Variants in CLNK observed in about 807,000 individuals in gnomAD.
CLNK encodes cytokine dependent hematopoietic cell linker.
Under a neutral mutation model 68.6 loss-of-function variants are expected in CLNK, and 74 were observed. That is an observed-to-expected ratio of 1.08 (90% CI 0.89 to 1.31). The LOEUF (loss-of-function observed/expected upper bound fraction) is 1.31, where lower values mean the gene tolerates loss of function less well. Ranked by LOEUF, CLNK falls within the 50% of genes most tolerant of loss-of-function variation. The pLI is 0.00. For missense variants in CLNK, 553 were observed against 515.3 expected (o/e 1.07, Z -0.71); for synonymous variants, 198 against 172.2 (o/e 1.15, Z -1.17).
chr4:10,501,529 A>G (rs1560190193), intron 17 of CLNK, 118 bp from the exon 18 acceptor site: 4 of 1,012,452 alleles, frequency 4.0e-6, no homozygotes, highest in Non-Finnish European at 5.7e-6. Flanking sequence ...TTTTTGGTAA[A>G]CCACTTTAAT....
chr4:10,538,767 C>G (rs1718901378), intron 11 of CLNK, among the ~76,000 whole-genome samples: 1 of 152,176 alleles, frequency 6.6e-6, no homozygotes, highest in Admixed American at 6.5e-5. Flanking sequence ...AGTTCCTCTT[C>G]CATCCCTTCC....
chr4:10,586,840 A>C (rs943477274), intron 3 of CLNK, among the ~76,000 whole-genome samples: 4 of 151,924 alleles, frequency 2.6e-5, no homozygotes, highest in African/African-American at 9.7e-5. Flanking sequence ...TTGATTCCGC[A>C]TTTTACCCAT....
At chr4:10,531,812 G>A (rs746282113) in intron 12 of CLNK, 12 of 458,444 alleles carry the variant, frequency 2.6e-5, no homozygotes, top group Non-Finnish European at 4.4e-5. Flanking sequence ...TTCACAAAGC[G>A]AGTAGGTGGC....
intron 14 of CLNK, among the ~76,000 whole-genome samples, chr4:10,522,221 G>A (rs1405806454): frequency 2.0e-5 from 3 of 146,798 alleles, no homozygotes; most frequent in Admixed American, 6.9e-5. Flanking sequence ...TCGCGCCATG[G>A]CACTCCAGCC....
At chr4:10,573,417 T>G (rs1421737589) in intron 4 of CLNK, among the ~76,000 whole-genome samples, 1 of 152,148 alleles carries the variant, frequency 6.6e-6, no homozygotes, top group East Asian at 1.9e-4. Flanking sequence ...TGGGGTTGGA[T>G]AGCAGCTCTA....
chr4:10,624,045 G>A (rs1268452891), intron 2 of CLNK, among the ~76,000 whole-genome samples: 1 of 152,208 alleles, frequency 6.6e-6, no homozygotes, highest in Non-Finnish European at 1.5e-5. Context: ...CAACAACCTA[G>A]AATTTTCTGA....
intron 4 of CLNK, among the ~76,000 whole-genome samples, chr4:10,580,665 T>C (rs953468451): frequency 6.6e-6 from 1 of 151,874 alleles, no homozygotes; most frequent in Non-Finnish European, 1.5e-5. Context: ...AATTAAAAAA[T>C]TAAAAATAGA....
At chr4:10,504,563 A>C (rs1211299294) in intron 17 of CLNK, among the ~76,000 whole-genome samples, 2 of 152,232 alleles carry the variant, frequency 1.3e-5, no homozygotes, top group Non-Finnish European at 2.9e-5. Context: ...GCCAAACCAA[A>C]TTCTCACCCT....
intron 1 of CLNK, among the ~76,000 whole-genome samples, chr4:10,676,495 G>A (rs533855640): frequency 6.7e-6 from 1 of 150,348 alleles, no homozygotes; most frequent in African/African-American, 2.4e-5. Flanking sequence ...CTGGTAATGA[G>A]TAACTTCCCT....
the CLNK span, among the ~76,000 whole-genome samples, chr4:10,704,085 T>G: frequency 4.6e-5 from 7 of 152,058 alleles, no homozygotes; most frequent in East Asian, 1.3e-3. Context: ...GGAAAACCTC[T>G]CTGATAAAGT....
At chr4:10,541,941 GT>G in intron 10 of CLNK, 80 bp downstream of exon 10, 1 of 1,041,962 alleles carries the variant, frequency 9.6e-7, no homozygotes, top group Non-Finnish European at 1.4e-6. Flanking sequence ...AATGTCAAAT[GT>G]TTGTGTTTCT....
chr4:10,536,183 A>C (rs148028778), intron 11 of CLNK, among the ~76,000 whole-genome samples: 2 of 152,194 alleles, frequency 1.3e-5, no homozygotes, highest in African/African-American at 4.8e-5. Context: ...TACCATTGAT[A>C]CAGTTGATTG....
intron 4 of CLNK, among the ~76,000 whole-genome samples, chr4:10,576,930 GT>G (rs1222947393): frequency 6.6e-6 from 1 of 152,184 alleles, no homozygotes; most frequent in Non-Finnish European, 1.5e-5. Flanking sequence ...TGCAGGGCCG[GT>G]GCCTTCATCT....
At chr4:10,731,375 C>G in the CLNK span, among the ~76,000 whole-genome samples, 1 of 152,208 alleles carries the variant, frequency 6.6e-6, no homozygotes, top group Non-Finnish European at 1.5e-5. Flanking sequence ...GGCTCCCAGT[C>G]CTCCAGTCTC....
chr4:10,629,135 A>T (rs2531205), intron 2 of CLNK, among the ~76,000 whole-genome samples: 3 of 152,032 alleles, frequency 2.0e-5, no homozygotes, highest in African/African-American at 7.2e-5. Context: ...TGGTTTATAA[A>T]CTTCTGCGCC....
chr4:10,582,751 T>C (rs1053418409), intron 4 of CLNK, among the ~76,000 whole-genome samples: 4 of 152,218 alleles, frequency 2.6e-5, no homozygotes, highest in African/African-American at 9.6e-5. Context: ...TAGAAAGTTA[T>C]AAGACACAGA....
chr4:10,610,587 T>C (rs1051424537), intron 2 of CLNK, among the ~76,000 whole-genome samples: 2 of 152,114 alleles, frequency 1.3e-5, no homozygotes, highest in Non-Finnish European at 2.9e-5. Flanking sequence ...CTCCTTTTTT[T>C]CTCTGTCTCG....
chr4:10,581,927 G>A (rs540150126), intron 4 of CLNK, among the ~76,000 whole-genome samples: 1 of 152,132 alleles, frequency 6.6e-6, no homozygotes, highest in African/African-American at 2.4e-5. Flanking sequence ...GAATGGCCCA[G>A]AACTACTTGA....
intron 2 of CLNK, among the ~76,000 whole-genome samples, chr4:10,660,211 G>A (rs928211890): frequency 2.6e-5 from 4 of 152,088 alleles, no homozygotes; most frequent in African/African-American, 7.2e-5. Context: ...TAATATTTGG[G>A]CATGATTATG....
Sources: gnomAD v4.1 joint callset for allele counts (sites outside exome capture counted in the v4.1 genomes callset) on GRCh38, gnomAD v4.1.1 for gene constraint, MANE v1.5 for transcripts, NCBI Gene and HGNC (gene_info 2026-07-23, HGNC 2026-07-21) for gene names.